The following ZC3H12C variants were observed in gnomAD, a reference collection of about 807,000 sequenced individuals.
The protein encoded by ZC3H12C is probable ribonuclease ZC3H12C.
In ZC3H12C, 20 loss-of-function variants were observed where a neutral mutation model predicts 76.3. The ratio of observed to expected loss-of-function variants is 0.26; its 90% CI spans 0.18 to 0.38. The LOEUF is 0.38. ZC3H12C is among the 10% of genes least tolerant of loss of function. The pLI is 1.00. For synonymous variants in ZC3H12C, 352 were observed against 399.6 expected, an observed-to-expected ratio of 0.88 and a Z score of 1.42; for missense variants, 874 against 1,086.5, an observed-to-expected ratio of 0.80 and a Z score of 2.75.
At chr11:110,121,315 A>G (rs1197585885) in intron 1 of ZC3H12C, among the ~76,000 whole-genome samples, 1 of 152,216 alleles carries the variant, frequency 6.6e-6, no homozygotes, top group Non-Finnish European at 1.5e-5. Flanking sequence ...GCACTCTTCT[A>G]TGTGGTGGGG....
At position 110,164,724 on chromosome 11, in the gene ZC3H12C, C is replaced by T. The variant is rs761828891; in HGVS notation, c.1639C>T (p.His547Tyr). 6.2e-7 allele frequency: 1 copy of T among 1,613,974 alleles called. No individual in the cohort carries two copies. Among genetic ancestry groups the T allele is most frequent in the Non-Finnish European group, 8.5e-7 (1 of 1,179,874 alleles). ...AAGCAATGGCCTTCCATCTGGAGTTCATTTCCCACCTCAGGATCAAAGACC... is the reference window on the plus strand; with the variant it reads ...AAGCAATGGCCTTCCATCTGGAGTTTATTTCCCACCTCAGGATCAAAGACC... ...SLSNGLPSGV[H>Y]FPPQDQRPQG... The change falls in exon 6 of 6, where the codon CAT becomes TAT. Residue 547 changes from histidine (H) to tyrosine (Y), a missense_variant. Transcript: ENST00000278590. This position sits in a 1 kb window ranked among gnomAD's most constrained non-coding sequence, Gnocchi z 5.7.
At chr11:110,117,148 A>G (rs573648644) in intron 1 of ZC3H12C, among the ~76,000 whole-genome samples, 215 of 152,284 alleles carry the variant, frequency 1.4e-3, no homozygotes, top group African/African-American at 4.9e-3. Flanking sequence ...TAAATCAACA[A>G]AATAGTGGTG....
intron 1 of ZC3H12C, among the ~76,000 whole-genome samples, chr11:110,100,777 TTC>T (rs1268455284): frequency 2.0e-5 from 3 of 152,182 alleles, no homozygotes; most frequent in Non-Finnish European, 1.5e-5. Context: ...AGCCCCACTA[TTC>T]TCTGAGACAC....
At position 110,168,753 on chromosome 11, in the gene ZC3H12C, T is replaced by C. The variant is rs1862623626; in HGVS notation, c.*3016T>C. 1 of 152,154 alleles carries C rather than the reference T, an allele frequency of 6.6e-6. No individual in the cohort carries two copies. The highest frequency in any genetic ancestry group is 2.1e-4 in the South Asian group (1 of 4,830). 9.4% of individuals were successfully genotyped at this position (152,154 alleles called of 1,614,324 possible). On this transcript the variant is annotated 3_prime_UTR_variant, in exon 6 of 6. Transcript: ENST00000278590. ...CTTTCTTGCATGGGATACAGACGTT[T>C]TCAGTCTTGTTTTTATGATCTCTCT...
rs1163423392 is a variant in ZC3H12C at position 110,093,423 on chromosome 11, C to T, written c.12C>T (p.Gly4=). The change falls in exon 1 of 6, where the codon GGC becomes GGT. Residue 4 remains glycine, a synonymous_variant. Transcript: ENST00000278590. Reference sequence around the variant, plus strand: ...TCGCGGGGCTGGCTATGCCGGGTGGCGGCTCCCAGGTTTGTCCTCGGGAAG... The same window carrying T: ...TCGCGGGGCTGGCTATGCCGGGTGGTGGCTCCCAGGTTTGTCCTCGGGAAG... MPG[G]GSQEYGVLCI... 7.5e-6 allele frequency: 9 copies of T among 1,201,382 alleles called. No individual in the cohort carries two copies. Among genetic ancestry groups the T allele is most frequent in the Non-Finnish European group, 8.3e-6 (8 of 965,370 alleles). 74.4% of individuals were successfully genotyped at this position (1,201,382 alleles called of 1,614,324 possible).
chr11:110,170,735 C>A lies in ZC3H12C; in HGVS notation c.*4998C>A, dbSNP rs1025011707. ...TCACAGTGCTTTATACCGGGTGTTG[C>A]ATCAGTAATCATTTTCATAAGAACA... On this transcript the variant is annotated 3_prime_UTR_variant, in exon 6 of 6. Transcript: ENST00000278590. 1.3e-5 allele frequency: 2 copies of A among 152,180 alleles called. No individual in the cohort carries two copies. The highest frequency in any genetic ancestry group is 4.8e-5 in the African/African-American group (2 of 41,460). The allele number at this position is 152,180 out of a possible 1,614,324, so 9.4% of individuals were successfully genotyped here. A position where few individuals can be genotyped will look rare whatever the true frequency, so the allele number is the denominator to read the frequency against.
chr11:110,129,089 C>T (rs17110781), intron 1 of ZC3H12C, among the ~76,000 whole-genome samples: 4,925 of 152,038 alleles, frequency 0.032, 160 homozygotes, highest in East Asian at 0.086. Flanking sequence ...AGTAATATTG[C>T]TATAACCCTT....
chr11:110,100,557 T>C (rs1861195467), intron 1 of ZC3H12C, among the ~76,000 whole-genome samples: 2 of 152,224 alleles, frequency 1.3e-5, no homozygotes, highest in Non-Finnish European at 2.9e-5. Context: ...TCCCTTTGTG[T>C]TGCTGGGTCA....
chr11:110,096,005 A>T (rs1365256593), intron 1 of ZC3H12C, among the ~76,000 whole-genome samples: 2 of 152,206 alleles, frequency 1.3e-5, no homozygotes, highest in Admixed American at 6.5e-5. Flanking sequence ...AAATCTACCA[A>T]ATGTTCTAAA....
At chr11:110,093,809 C>T (rs2134136621) in intron 1 of ZC3H12C, among the ~76,000 whole-genome samples, 1 of 152,238 alleles carries the variant, frequency 6.6e-6, no homozygotes, top group Admixed American at 6.5e-5. Flanking sequence ...TGGAAACGGA[C>T]ACACTGCGCT....
intron 1 of ZC3H12C, among the ~76,000 whole-genome samples, chr11:110,111,023 T>C (rs1328233436): frequency 6.6e-6 from 1 of 152,128 alleles, no homozygotes; most frequent in Non-Finnish European, 1.5e-5. Context: ...ACATACCAGG[T>C]TGGCAGCTGC....
chr11:110,109,528 C>T (rs542908595), intron 1 of ZC3H12C, among the ~76,000 whole-genome samples: 1 of 152,180 alleles, frequency 6.6e-6, no homozygotes, highest in Non-Finnish European at 1.5e-5. Context: ...ATTCCTTCAT[C>T]ATTCATTACC....
chr11:110,103,248 A>G (rs1357571815), intron 1 of ZC3H12C, among the ~76,000 whole-genome samples: 5 of 152,256 alleles, frequency 3.3e-5, no homozygotes, highest in African/African-American at 4.8e-5. Context: ...TTTGAAGAAT[A>G]TAATTAACCT....
chr11:110,109,318 T>C (rs374833840), intron 1 of ZC3H12C, among the ~76,000 whole-genome samples: 1 of 152,206 alleles, frequency 6.6e-6, no homozygotes, highest in East Asian at 1.9e-4. Flanking sequence ...TCTCATTCCT[T>C]CCATGGTTAT....
At chr11:110,153,941 A>T (rs550608971) in intron 3 of ZC3H12C, among the ~76,000 whole-genome samples, 1 of 152,376 alleles carries the variant, frequency 6.6e-6, no homozygotes, top group South Asian at 2.1e-4. Flanking sequence ...TACAATCAAC[A>T]TCCAACCTTT....
chr11:110,156,990 C>A (rs1591484887), intron 3 of ZC3H12C, among the ~76,000 whole-genome samples: 1 of 152,120 alleles, frequency 6.6e-6, no homozygotes, highest in East Asian at 1.9e-4. Context: ...ACCACCCTGG[C>A]CAATATGGTG....
At position 110,164,214 on chromosome 11, in the gene ZC3H12C, A is replaced by G. The variant is rs967497409; in HGVS notation, c.1256-127A>G. 7 of 815,170 alleles carry G rather than the reference A, an allele frequency of 8.6e-6. No individual in the cohort carries two copies. In the African/African-American group the frequency reaches 1.2e-4, roughly 14 times the overall value. 50.5% of individuals were successfully genotyped at this position (815,170 alleles called of 1,614,324 possible). ...GTGACGTTTCTCAAGAGTAAAGAACAGAGTGACACTTAGCACAGCTCCCAT... is the reference window on the plus strand; with the variant it reads ...GTGACGTTTCTCAAGAGTAAAGAACGGAGTGACACTTAGCACAGCTCCCAT... On this transcript the variant is annotated intron_variant, in intron 5 of 5. Coordinates refer to ENST00000278590, the MANE Select transcript of ZC3H12C (RefSeq NM_033390.2). This position sits in a 1 kb window ranked among gnomAD's most constrained non-coding sequence, Gnocchi z 5.7.
intron 3 of ZC3H12C, among the ~76,000 whole-genome samples, chr11:110,155,323 G>A (rs1464094704): frequency 6.6e-6 from 1 of 151,540 alleles, no homozygotes; most frequent in Admixed American, 6.6e-5. Flanking sequence ...ATAGCGGAAA[G>A]TAAAAAACTG....
At chr11:110,140,429 C>T (rs868865421) in intron 2 of ZC3H12C, among the ~76,000 whole-genome samples, 23 of 152,318 alleles carry the variant, frequency 1.5e-4, no homozygotes, top group African/African-American at 5.3e-4. Context: ...TTAAAATTAA[C>T]TAAATCTCCA....
Sources: gnomAD v4.1 joint callset for allele counts (sites outside exome capture counted in the v4.1 genomes callset) on GRCh38, gnomAD v4.1.1 for gene constraint, Gnocchi (gnomAD v3.1) non-coding constraint, MANE v1.5 for transcripts, NCBI Gene and HGNC (gene_info 2026-07-23, HGNC 2026-07-21) for gene names.